Variants in TFAP2A observed in about 807,000 individuals in gnomAD.
The protein encoded by TFAP2A is transcription factor AP-2 alpha, also known as transcription factor AP-2-alpha.
TFAP2A carries 7 observed loss-of-function variants against 41.5 expected under a neutral mutation model. That is an observed-to-expected ratio of 0.17 (90% CI 0.10 to 0.32). The LOEUF (loss-of-function observed/expected upper bound fraction) is 0.32. Among genes scored for constraint, TFAP2A ranks in the 10% least tolerant of loss-of-function variants. The pLI, the probability that TFAP2A is intolerant of heterozygous loss-of-function variation, is 1.00. For missense variants in TFAP2A, 416 were observed against 563.3 expected, an observed-to-expected ratio of 0.74 and a Z score of 2.65; for synonymous variants, 247 against 242.8, an observed-to-expected ratio of 1.02 and a Z score of -0.16.
intron 1 of TFAP2A, among the ~76,000 whole-genome samples, chr6:10,414,227 T>TCCCCA (rs1374845930): frequency 1.3e-5 from 2 of 152,042 alleles, no homozygotes; most frequent in Admixed American, 6.5e-5. Flanking sequence ...GCAGCACATC[T>TCCCCA]CCCCACCCCA....
Position 10,398,261 on chromosome 6 carries a change from C to A in TFAP2A, c.*156G>T. 1 of 1,543,798 alleles carries A rather than the reference C, an allele frequency of 6.5e-7. No homozygotes were observed. The highest frequency in any genetic ancestry group is 1.2e-5 in the South Asian group (1 of 81,968). ...AGTCGAGAGGGCAGTCCCGGAGACT[C>A]GGGGGGACCCAAGGGCAGCGGCGGC... is the stretch of plus-strand genomic sequence containing the variant. On this transcript the variant is annotated 3_prime_UTR_variant, in exon 7 of 7. Coordinates refer to ENST00000379613, the MANE Select transcript of TFAP2A (RefSeq NM_001372066.1). The surrounding 1 kb of genome is among the most constrained non-coding windows in gnomAD (Gnocchi z 5.3).
At chr6:10,412,631 G>T in intron 1 of TFAP2A, 1 of 281,748 alleles carries the variant, frequency 3.5e-6, no homozygotes. Context: ...CGTGCGTAGC[G>T]GGTAGGAGCT....
In TFAP2A at chr6:10,398,723, CAGAG is replaced by C. The variant is rs754164317; in HGVS notation, c.1032-22_1032-19del. ...ATATCTGTCTGCAGCACAAGTGGAG[CAGAG>C]AGAGAGACATAAGGCTCCACTATGG... On this transcript the variant is annotated intron_variant, in intron 6 of 6. Coordinates refer to ENST00000379613, the MANE Select transcript of TFAP2A (RefSeq NM_001372066.1). The surrounding 1 kb of genome is among the most constrained non-coding windows in gnomAD (Gnocchi z 5.3). The C allele has an allele frequency of 6.2e-7, 1 of 1,611,976 alleles. No homozygotes were observed. Among genetic ancestry groups the C allele is most frequent in the African/African-American group, 1.3e-5 (1 of 74,902 alleles).
At chr6:10,407,017 C>G (rs1438116099) in intron 2 of TFAP2A, 173 bp from the exon 3 acceptor site, 1 of 654,860 alleles carries the variant, frequency 1.5e-6, no homozygotes, top group Non-Finnish European at 2.7e-6. Context: ...GGCTTTGCAA[C>G]TCAAGAGGTT....
Position 10,410,048 on chromosome 6 carries a change from G to T in TFAP2A, c.339C>A (p.His113Gln). The change falls in exon 2 of 7, where the codon CAC (histidine) becomes CAA (glutamine). Residue 113 changes from histidine (H) to glutamine (Q), a missense_variant. Transcript: ENST00000379613. ...QSQESGLLHT[H>Q]RGLPHQLSGL... is the part of the protein sequence containing the mutation. ...CCGACAGCTGGTGAGGCAGCCCCCGGTGCGTGTGCAGGAGCCCAGACTCCT... is the reference window on the plus strand; with the variant it reads ...CCGACAGCTGGTGAGGCAGCCCCCGTTGCGTGTGCAGGAGCCCAGACTCCT... 2 of 1,612,944 alleles carry T rather than the reference G, an allele frequency of 1.2e-6. No individual in the cohort carries two copies. The highest frequency in any genetic ancestry group is 1.7e-6 in the Non-Finnish European group (2 of 1,179,866).
At chr6:10,406,907 C>G in intron 2 of TFAP2A, 63 bp from the exon 3 acceptor site, 2 of 1,290,662 alleles carry the variant, frequency 1.5e-6, no homozygotes, top group Non-Finnish European at 2.3e-6. Context: ...ATGAATATTC[C>G]CTGCAAGATG....
intron 5 of TFAP2A, 112 bp from the exon 6 acceptor site, chr6:10,400,701 C>T: frequency 8.1e-7 from 1 of 1,234,884 alleles, no homozygotes; most frequent in Non-Finnish European, 1.2e-6. Context: ...TTGCAGGAAA[C>T]ACAAACTACT....
upstream of TFAP2A, among the ~76,000 whole-genome samples, chr6:10,416,761 G>A (rs1441599844): frequency 7.2e-5 from 11 of 152,206 alleles, no homozygotes; most frequent in Admixed American, 6.5e-4. Context: ...TTCCACCCAA[G>A]GCTGCAGAAG....
intron 6 of TFAP2A, among the ~76,000 whole-genome samples, chr6:10,399,924 CTGTGTG>C (rs58533284): frequency 6.7e-6 from 1 of 148,922 alleles, no homozygotes; most frequent in Non-Finnish European, 1.5e-5. Flanking sequence ...CTCTCTCTGT[CTGTGTG>C]TGTGTGTGTG....
intron 1 of TFAP2A, chr6:10,412,246 C>T (rs1758007177): frequency 1.0e-6 from 1 of 986,254 alleles, no homozygotes; most frequent in Admixed American, 6.1e-5. Flanking sequence ...CGCGGCGCGG[C>T]GTCTGGCGAA....
chr6:10,411,049 C>CCG (rs1554112695), intron 1 of TFAP2A: 2 of 137,378 alleles, frequency 1.5e-5, no homozygotes, highest in African/African-American at 5.6e-5. Context: ...GGCTGTGGCC[C>CCG]CCCCCCCCCG....
At chr6:10,411,148 T>G in intron 1 of TFAP2A, 2 of 168,758 alleles carry the variant, frequency 1.2e-5, no homozygotes, top group East Asian at 1.6e-4. Flanking sequence ...GCGAAGAGAG[T>G]TGATTCCAGA....
upstream of TFAP2A, among the ~76,000 whole-genome samples, chr6:10,419,177 A>ACTTCCCCGGCGCCGGGCCCCG (rs1465294846): frequency 6.6e-6 from 1 of 152,052 alleles, no homozygotes; most frequent in Admixed American, 6.5e-5. Flanking sequence ...CGTGCGCCGG[A>ACTTCCCCGGCGCCGGGCCCCG]CTTCCCCGGC....
In TFAP2A at chr6:10,410,141, G is replaced by A. The variant is rs767736500; in HGVS notation, c.246C>T (p.Tyr82=). 8.1e-6 allele frequency: 13 copies of A among 1,611,612 alleles called. No homozygotes were observed. The East Asian group carries it at 2.9e-4, about 36-fold the overall frequency. The change falls in exon 2 of 7, where the codon TAC becomes TAT. Residue 82 remains tyrosine, a synonymous_variant. Transcript: ENST00000379613. The part of the protein sequence containing the change: ...QDPYSHVNDP[Y]SLNPLHAQPQ... ...GCTGGGCGTGCAGGGGGTTCAGGCT[G>A]TAGGGGTCGTTGACGTGGGAGTAAG...
At position 10,398,156 on chromosome 6, in the gene TFAP2A, C is replaced by T. The variant is rs1761852751; in HGVS notation, c.*261G>A. 7.1e-7 allele frequency: 1 copy of T among 1,416,480 alleles called. No homozygotes were observed. Among genetic ancestry groups the T allele is most frequent in the Non-Finnish European group, 9.2e-7 (1 of 1,087,852 alleles). 87.7% of individuals were successfully genotyped at this position (1,416,480 alleles called of 1,614,324 possible). Reference sequence around the variant, plus strand: ...TCACGGCCTGTTCTGTTCTCTTAGGCTCCACATGAGGGCACAGGGGTGTGG... The same window carrying T: ...TCACGGCCTGTTCTGTTCTCTTAGGTTCCACATGAGGGCACAGGGGTGTGG... On this transcript the variant is annotated 3_prime_UTR_variant, in exon 7 of 7. Coordinates refer to ENST00000379613, the MANE Select transcript of TFAP2A (RefSeq NM_001372066.1). This position sits in a 1 kb window ranked among gnomAD's most constrained non-coding sequence, Gnocchi z 5.3.
At chr6:10,399,410 G>A (rs2114000304) in intron 6 of TFAP2A, among the ~76,000 whole-genome samples, 1 of 152,336 alleles carries the variant, frequency 6.6e-6, no homozygotes, top group South Asian at 2.1e-4. Context: ...TAAAAATACT[G>A]CAGGGAAATT....
intron 5 of TFAP2A, 78 bp from the exon 6 acceptor site, chr6:10,400,667 C>G (rs928179745): frequency 2.0e-6 from 3 of 1,509,784 alleles, no homozygotes; most frequent in Middle Eastern, 1.7e-4. Flanking sequence ...ACTCCCAACT[C>G]CCTAATTCCC....
rs572531421 is a variant in TFAP2A, at chr6:10,415,073, C to T, written c.-82G>A. The stretch of plus-strand genomic sequence containing the variant: ...CTGGGTGAGCGCAAAGTGCTGGCTG[C>T]CGGCGGTGAGCGCAGGAGGAGGAGG... On this transcript the variant is annotated 5_prime_UTR_variant, in exon 1 of 7. Transcript: ENST00000379613. The T allele has an allele frequency of 5.3e-5, 86 of 1,612,642 alleles. No individual in the cohort carries two copies. In the Admixed American group the frequency reaches 1.4e-3, roughly 26 times the overall value.
chr6:10,416,430 A>G (rs889010015), upstream of TFAP2A: 1 of 42,264 alleles, frequency 2.4e-5, no homozygotes, highest in African/African-American at 1.9e-4. Flanking sequence ...TTTAAGTAAG[A>G]AAAAAAAAAA....
Sources: gnomAD v4.1 joint callset for allele counts (sites outside exome capture counted in the v4.1 genomes callset) on GRCh38, gnomAD v4.1.1 for gene constraint, Gnocchi (gnomAD v3.1) non-coding constraint, MANE v1.5 for transcripts, NCBI Gene and HGNC (gene_info 2026-07-23, HGNC 2026-07-21) for gene names.